The following KDM5B variants were observed in gnomAD, a reference collection of about 807,000 sequenced individuals.
The protein encoded by KDM5B is lysine-specific demethylase 5B.
A neutral mutation model predicts 193.4 loss-of-function variants in KDM5B; 144 were observed. That is an observed-to-expected ratio of 0.74 (90% CI 0.65 to 0.86). The LOEUF (loss-of-function observed/expected upper bound fraction) is 0.86, where lower values mean the gene tolerates loss of function less well. Ranked by LOEUF, KDM5B falls within the 40% of genes least tolerant of loss-of-function variation. The pLI, the probability that KDM5B is intolerant of heterozygous loss-of-function variation, is 0.00. For missense variants in KDM5B, 1,833 were observed against 1,886.9 expected (o/e 0.97, Z 0.53); for synonymous variants, 668 against 682.6 (o/e 0.98, Z 0.33).
chr1:202,748,884 G>A (rs893856346), intron 14 of KDM5B, 61 bp downstream of exon 14: 40 of 1,376,610 alleles, frequency 2.9e-5, no homozygotes, highest in East Asian at 1.4e-4. Context: ...ATTAAAGTGC[G>A]TAAAAATTTT....
At chr1:202,762,343 T>C (rs746161159) in intron 7 of KDM5B, among the ~76,000 whole-genome samples, 1 of 152,220 alleles carries the variant, frequency 6.6e-6, no homozygotes, top group Non-Finnish European at 1.5e-5. Context: ...ACTTGGATTT[T>C]TGAGCGAGCC....
intron 7 of KDM5B, 54 bp downstream of exon 7, chr1:202,762,645 G>A: frequency 9.8e-7 from 1 of 1,018,664 alleles, no homozygotes; most frequent in South Asian, 1.3e-5. Context: ...ATTAAAGAAA[G>A]GAAGGGAAGA....
At position 202,724,746 on chromosome 1, in the gene KDM5B, T is replaced by TTGTGTGTG. The variant is rs61270918; in HGVS notation, c.*4282_*4289dup. 1 of 150,546 alleles carries TTGTGTGTG rather than the reference T, an allele frequency of 6.6e-6. No individual in the cohort carries two copies. The highest frequency in any genetic ancestry group is 1.5e-5 in the Non-Finnish European group (1 of 67,450). The allele number at this position is 150,546 out of a possible 1,614,324, so 9.3% of individuals were successfully genotyped here. A position where few individuals can be genotyped will look rare whatever the true frequency, so the allele number is the denominator to read the frequency against. On this transcript the variant is annotated 3_prime_UTR_variant, in exon 27 of 27. Transcript: ENST00000367265. ...ACACAGAAGGGGCTTGTGTGTGTGT[T>TTGTGTGTG]TGTGTGTGTGTGTGTGTTCACAGCA...
chr1:202,754,126 A>G (rs921113807), intron 11 of KDM5B, among the ~76,000 whole-genome samples: 4 of 152,236 alleles, frequency 2.6e-5, no homozygotes, highest in African/African-American at 9.6e-5. Flanking sequence ...TAAGGCAATT[A>G]GCATTTCTAA....
chr1:202,755,820 G>A (rs763072416), intron 10 of KDM5B, among the ~76,000 whole-genome samples: 10 of 151,934 alleles, frequency 6.6e-5, no homozygotes, highest in South Asian at 4.2e-4. Flanking sequence ...GAAGGAGAGC[G>A]GGCGAAAAGG....
At position 202,736,333 on chromosome 1, in the gene KDM5B, AG is replaced by A; in HGVS notation, c.3143del (p.Ser1048LeufsTer6). The A allele has an allele frequency of 6.2e-7, 1 of 1,612,198 alleles. No homozygotes were observed. Among genetic ancestry groups the A allele is most frequent in the Non-Finnish European group, 8.5e-7 (1 of 1,179,044 alleles). On this transcript the variant is annotated frameshift_variant, in exon 21 of 27. Coordinates refer to ENST00000367265, the MANE Select transcript of KDM5B (RefSeq NM_006618.5). LOFTEE classifies it high-confidence loss of function. ...TLIELVTRGR[S>X]IPVHLNSLPR... ...GCAAAGAATTCAGATGTACGGGGAT[AG>A]ATCGGCCTCGTGTAACAAGTTCTAT...
chr1:202,797,112 A>G (rs1572780675), intron 1 of KDM5B: 1 of 152,336 alleles, frequency 6.6e-6, no homozygotes, highest in East Asian at 1.9e-4. Context: ...AGGGGCAAGG[A>G]GGCAAGGACC....
chr1:202,730,110 TTAGA>T, intron 25 of KDM5B, 83 bp from the exon 26 acceptor site: 2 of 1,204,870 alleles, frequency 1.7e-6, no homozygotes, highest in Non-Finnish European at 1.1e-6. Context: ...AACATGTAAA[TTAGA>T]AATCAGATGA....
At chr1:202,732,186 A>G in intron 23 of KDM5B, 1 of 442,672 alleles carries the variant, frequency 2.3e-6, no homozygotes. Context: ...GATGTAAAGA[A>G]GGCCACTGGG....
At chr1:202,797,108 A>AAGG (rs1015716485) in intron 1 of KDM5B, 3 of 152,420 alleles carry the variant, frequency 2.0e-5, no homozygotes, top group African/African-American at 7.2e-5. Flanking sequence ...TCAAAGGGGC[A>AAGG]AGGAGGCAAG....
intron 4 of KDM5B, among the ~76,000 whole-genome samples, chr1:202,770,725 C>T (rs1375478259): frequency 6.6e-6 from 1 of 152,136 alleles, no homozygotes; most frequent in African/African-American, 2.4e-5. Flanking sequence ...GAACAGTACA[C>T]TTGAATTTGT....
rs201886267 is a variant in KDM5B at position 202,773,110 on chromosome 1, A to G, written c.576+8T>C. On this transcript the variant is annotated splice_region_variant and intron_variant, in intron 4 of 26. Coordinates refer to ENST00000367265, the MANE Select transcript of KDM5B (RefSeq NM_006618.5). ...ATAAAACAGGTTAAGGCTAGCCCCC[A>G]AACTTACCCTTAGGCTGTCTCCGGA... is the stretch of plus-strand genomic sequence containing the variant. The G allele has an allele frequency of 1.3e-4, 214 of 1,599,046 alleles. 2 individuals are homozygous for G. The East Asian group carries it at 2.9e-3, about 22-fold the overall frequency.
chr1:202,748,696 C>T (rs1355627334), intron 14 of KDM5B, among the ~76,000 whole-genome samples: 1 of 152,116 alleles, frequency 6.6e-6, no homozygotes, highest in African/African-American at 2.4e-5. Context: ...TAGTGAGACC[C>T]TGTTTCTACA....
chr1:202,748,353 A>G (rs1655648475), intron 14 of KDM5B, among the ~76,000 whole-genome samples: 1 of 152,208 alleles, frequency 6.6e-6, no homozygotes, highest in African/African-American at 2.4e-5. Flanking sequence ...AAGATTTATT[A>G]AATAGGAAAC....
intron 1 of KDM5B, among the ~76,000 whole-genome samples, chr1:202,788,410 T>C (rs1415309672): frequency 6.6e-6 from 1 of 152,238 alleles, no homozygotes; most frequent in Non-Finnish European, 1.5e-5. Flanking sequence ...TACTTGGGAA[T>C]GCAAAGCACT....
rs1654714418 is a variant in KDM5B at position 202,727,454 on chromosome 1, A to G, written c.*1582T>C. 6.6e-6 allele frequency: 1 copy of G among 152,652 alleles called. No homozygotes were observed. Among genetic ancestry groups the G allele is most frequent in the Admixed American group, 6.5e-5 (1 of 15,276 alleles). 9.5% of individuals were successfully genotyped at this position (152,652 alleles called of 1,614,324 possible). On this transcript the variant is annotated 3_prime_UTR_variant, in exon 27 of 27. Transcript: ENST00000367265. ...TGAAGTGCATAAAAGGGGAGGGTAC[A>G]TTTAAACCTCTGCTATATCACAAAC...
At chr1:202,779,610 G>T (rs957557134) in intron 1 of KDM5B, among the ~76,000 whole-genome samples, 6 of 152,020 alleles carry the variant, frequency 3.9e-5, no homozygotes, top group Non-Finnish European at 5.9e-5. Flanking sequence ...GACCAGCCTG[G>T]CCAACATGGC....
At chr1:202,745,142 T>C (rs947747392) in intron 16 of KDM5B, among the ~76,000 whole-genome samples, 1 of 151,986 alleles carries the variant, frequency 6.6e-6, no homozygotes. Flanking sequence ...CGTGAACACA[T>C]ACAGGGGAAC....
At chr1:202,730,115 A>C (rs2102208461) in intron 25 of KDM5B, 88 bp from the exon 26 acceptor site, 1 of 1,140,074 alleles carries the variant, frequency 8.8e-7, no homozygotes, top group East Asian at 2.5e-5. Flanking sequence ...GTAAATTAGA[A>C]ATCAGATGAT....
Sources: gnomAD v4.1 joint callset for allele counts (sites outside exome capture counted in the v4.1 genomes callset) on GRCh38, gnomAD v4.1.1 for gene constraint, MANE v1.5 for transcripts, NCBI Gene and HGNC (gene_info 2026-07-23, HGNC 2026-07-21) for gene names.